The following CSMD1 variants were observed in gnomAD, a reference collection of about 807,000 sequenced individuals.
The protein encoded by CSMD1 is CUB and sushi domain-containing protein 1.
In CSMD1, 213 loss-of-function variants were observed where a neutral mutation model predicts 417.5. That is an observed-to-expected ratio of 0.51 (90% CI 0.46 to 0.57). The LOEUF is 0.57. Among genes scored for constraint, CSMD1 ranks in the 20% least tolerant of loss-of-function variants. The probability of loss-of-function intolerance (pLI) is 0.00; values close to 1 mark genes in which losing one functional copy is unlikely to be tolerated. For missense variants in CSMD1, 6,923 were observed against 4,529.7 expected (o/e 1.53, Z -15.17); for synonymous variants, 2,862 against 1,736.8 (o/e 1.65, Z -16.11).
intron 3 of CSMD1, among the ~76,000 whole-genome samples, chr8:4,351,340 T>G (rs1393452128): frequency 6.6e-6 from 1 of 152,246 alleles, no homozygotes; most frequent in Non-Finnish European, 1.5e-5. Context: ...AAACATTCAA[T>G]GAAAATTTGA....
chr8:3,884,702 A>G (rs1806436255), intron 5 of CSMD1, among the ~76,000 whole-genome samples: 1 of 152,066 alleles, frequency 6.6e-6, no homozygotes, highest in African/African-American at 2.4e-5. Context: ...TACTAACTCA[A>G]CTGAGAAAAT....
chr8:4,076,274 T>C (rs867631018), intron 3 of CSMD1, among the ~76,000 whole-genome samples: 2 of 152,200 alleles, frequency 1.3e-5, no homozygotes, highest in African/African-American at 4.8e-5. Context: ...AAGAAGAATA[T>C]GTTTGCTTCT....
At chr8:3,953,165 C>A in intron 5 of CSMD1, among the ~76,000 whole-genome samples, 1 of 151,790 alleles carries the variant, frequency 6.6e-6, no homozygotes, top group African/African-American at 2.4e-5. Flanking sequence ...AAAAATCAAA[C>A]TGGATTAGAG....
In CSMD1 at chr8:4,253,364, A is replaced by T. The variant is rs936314635; in HGVS notation, c.415+166589T>A. Among the ~76,000 whole-genome samples the T allele has an allele frequency of 2.1e-4, 31 of 149,704 alleles. 1 individual carries two copies. The highest frequency in any genetic ancestry group is 7.7e-4 in the African/African-American group (31 of 40,390). On this transcript the variant is annotated intron_variant, in intron 3 of 69. Coordinates refer to ENST00000635120, the MANE Select transcript of CSMD1 (RefSeq NM_033225.6). ...TTATCACTGTATATTATAATTACGC[A>T]TTTAAATGCATTTTTTTCATTGAGT...
chr8:4,105,499 G>A (rs909099026), intron 3 of CSMD1, among the ~76,000 whole-genome samples: 1 of 152,134 alleles, frequency 6.6e-6, no homozygotes, highest in Non-Finnish European at 1.5e-5. Flanking sequence ...TTCCAGAGAT[G>A]GTTCTAGGCT....
chr8:3,394,059 A>AT (rs1811541601), intron 17 of CSMD1, among the ~76,000 whole-genome samples: 8 of 115,988 alleles, frequency 6.9e-5, no homozygotes, highest in Non-Finnish European at 9.6e-5. Flanking sequence ...TATATATAGA[A>AT]AAAAAGAAAA....
At chr8:3,239,099 C>T (rs964202719) in intron 26 of CSMD1, among the ~76,000 whole-genome samples, 1 of 152,156 alleles carries the variant, frequency 6.6e-6, no homozygotes, top group Non-Finnish European at 1.5e-5. Context: ...GACCTGAATT[C>T]TGAGAAGGGA....
chr8:3,291,750 A>G (rs1436369994), intron 25 of CSMD1, among the ~76,000 whole-genome samples: 1 of 151,728 alleles, frequency 6.6e-6, no homozygotes, highest in Non-Finnish European at 1.5e-5. Flanking sequence ...GTGGTTTATC[A>G]GTTTTGTTGA....
chr8:4,670,613 T>C (rs1805235267), intron 1 of CSMD1, among the ~76,000 whole-genome samples: 1 of 152,206 alleles, frequency 6.6e-6, no homozygotes, highest in African/African-American at 2.4e-5. Context: ...ATGACATGCA[T>C]TTTGATAATA....
Position 4,051,947 on chromosome 8 carries a change from CAG to C in CSMD1, c.416-19850_416-19849del, listed in dbSNP as rs1373476388. ...TTTTCTTTCTTTCTTTCTTTCTTGA[CAG>C]AGTTTCACTCTTGTTGCCCAGGCTG... On this transcript the variant is annotated intron_variant, in intron 3 of 69. Coordinates refer to ENST00000635120, the MANE Select transcript of CSMD1 (RefSeq NM_033225.6). 3.4e-5 allele frequency among the ~76,000 whole-genome samples: 5 copies of C among 145,436 alleles called. No homozygotes were observed. In the East Asian group the frequency reaches 1.0e-3, roughly 29 times the overall value.
chr8:4,197,483 G>A (rs902737950), intron 3 of CSMD1, among the ~76,000 whole-genome samples: 2 of 152,156 alleles, frequency 1.3e-5, no homozygotes, highest in Non-Finnish European at 2.9e-5. Flanking sequence ...GGCCTCAGTA[G>A]ATGGAAAACT....
intron 3 of CSMD1, among the ~76,000 whole-genome samples, chr8:4,237,644 T>C (rs142291778): frequency 3.1e-3 from 474 of 152,168 alleles, no homozygotes; most frequent in Middle Eastern, 0.024. Context: ...CCCTTTCTAG[T>C]AGCTGAGACT....
chr8:3,006,021 C>T (rs1158626756), intron 52 of CSMD1, among the ~76,000 whole-genome samples: 1 of 152,144 alleles, frequency 6.6e-6, no homozygotes, highest in East Asian at 1.9e-4. Context: ...ACCTAGAAAA[C>T]CCCATTGTCT....
intron 68 of CSMD1, among the ~76,000 whole-genome samples, chr8:2,943,416 T>G (rs1323919743): frequency 4.6e-5 from 7 of 151,990 alleles, no homozygotes; most frequent in African/African-American, 1.7e-4. Context: ...TTACTAGAGA[T>G]GGGGTTTCAC....
chr8:3,862,975 A>T (rs1804821506), intron 5 of CSMD1, among the ~76,000 whole-genome samples: 1 of 152,272 alleles, frequency 6.6e-6, no homozygotes, highest in East Asian at 1.9e-4. Context: ...GAGTCTGGAG[A>T]TTCCAATATC....
Position 4,033,192 on chromosome 8 carries a change from G to C in CSMD1, c.416-1093C>G, listed in dbSNP as rs185036838. Among the ~76,000 whole-genome samples, 576 of 142,348 alleles carry C rather than the reference G, an allele frequency of 4.0e-3. 4 individuals are homozygous for C. Among genetic ancestry groups the C allele is most frequent in the African/African-American group, 0.014 (544 of 37,930 alleles). 93.4% of individuals were successfully genotyped at this position (142,348 alleles called of 152,430 possible). On this transcript the variant is annotated intron_variant, in intron 3 of 69. Coordinates refer to ENST00000635120, the MANE Select transcript of CSMD1 (RefSeq NM_033225.6). ...ACGGTAGCTCACGCCTGTAGTCCCA[G>C]CACTTTGGGAGGCCGAGGCAGGAGG...
intron 8 of CSMD1, among the ~76,000 whole-genome samples, chr8:3,594,865 C>T (rs1017686196): frequency 6.6e-6 from 1 of 152,148 alleles, no homozygotes; most frequent in Non-Finnish European, 1.5e-5. Context: ...GCTCATGGAG[C>T]TTCTGAGAGC....
At chr8:4,832,811 G>A (rs1800231961) in intron 1 of CSMD1, among the ~76,000 whole-genome samples, 1 of 152,112 alleles carries the variant, frequency 6.6e-6, no homozygotes, top group South Asian at 2.1e-4. Flanking sequence ...TTCATCCTCA[G>A]GGTCAGTCAT....
chr8:4,677,944 G>GA (rs536581426), intron 1 of CSMD1, among the ~76,000 whole-genome samples: 156 of 151,764 alleles, frequency 1.0e-3, no homozygotes, highest in Non-Finnish European at 1.6e-3. Context: ...TAAAACACTA[G>GA]AAAAAAAATG....
Sources: allele counts gnomAD v4.1 joint callset (sites outside exome capture counted in the v4.1 genomes callset), GRCh38; gene constraint gnomAD v4.1.1; transcripts MANE v1.5; gene names NCBI Gene and HGNC (gene_info 2026-07-23, HGNC 2026-07-21).